The following RARB variants were observed in gnomAD, a reference collection of about 807,000 sequenced individuals.
RARB encodes HBV-activated protein.
RARB carries 17 observed loss-of-function variants against 51.9 expected under a neutral mutation model. The observed-to-expected ratio is 0.33, with a 90% confidence interval of 0.22 to 0.49. RARB has a LOEUF of 0.49. Among genes scored for constraint, RARB ranks in the 20% least tolerant of loss-of-function variants. The pLI, the probability that RARB is intolerant of heterozygous loss-of-function variation, is 0.99. For missense variants in RARB, 369 were observed against 550.8 expected (o/e 0.67, Z 3.30); for synonymous variants, 215 against 195.4 (o/e 1.10, Z -0.84).
rs373198658 is a variant in RARB at position 25,198,531 on chromosome 3, A to G, written c.178+23956A>G. Reference sequence around the variant, plus strand: ...TTTGCAAACTATCCATCTGACAAGAATTAACCAGAATATAAAAACAACTCA... The same window carrying G: ...TTTGCAAACTATCCATCTGACAAGAGTTAACCAGAATATAAAAACAACTCA... On this transcript the variant is annotated intron_variant, in intron 5 of 11. Transcript: ENST00000383772. Among the ~76,000 whole-genome samples, 13 of 152,100 alleles carry G rather than the reference A, an allele frequency of 8.5e-5. No individual in the cohort carries two copies. The East Asian group carries it at 2.1e-3, about 25-fold the overall frequency.
chr3:24,920,866 GA>G (rs1225412873), intron 2 of RARB, among the ~76,000 whole-genome samples: 1 of 152,188 alleles, frequency 6.6e-6, no homozygotes, highest in African/African-American at 2.4e-5. Context: ...GCAAGAACCA[GA>G]GTGAGACAGT....
At chr3:25,152,540 G>A (rs990815718) in intron 4 of RARB, among the ~76,000 whole-genome samples, 16 of 151,808 alleles carry the variant, frequency 1.1e-4, no homozygotes, top group African/African-American at 3.4e-4. Context: ...CTGCTCCCAG[G>A]GAAGGAAAAA....
At chr3:24,835,944 G>T (rs1335121855) in intron 1 of RARB, among the ~76,000 whole-genome samples, 5 of 152,168 alleles carry the variant, frequency 3.3e-5, no homozygotes, top group Admixed American at 6.5e-5. Flanking sequence ...CTTCAACGTG[G>T]TTACTGGGGA....
intron 5 of RARB, among the ~76,000 whole-genome samples, chr3:25,215,961 G>T (rs556030542): frequency 8.5e-5 from 13 of 152,140 alleles, no homozygotes; most frequent in Admixed American, 5.2e-4. Flanking sequence ...AAATAAGCCA[G>T]GTTTTAAAAG....
At chr3:24,988,529 T>C (rs1696842237) in intron 2 of RARB, among the ~76,000 whole-genome samples, 1 of 152,160 alleles carries the variant, frequency 6.6e-6, no homozygotes, top group Admixed American at 6.5e-5. Context: ...TAAGTAAACA[T>C]AACCCTAAAG....
Position 24,982,876 on chromosome 3 carries a change from C to A in RARB, c.-379-77249C>A, listed in dbSNP as rs147018734. ...TCCTACAAAGTATGAAATTCCCATC[C>A]TGTAACACATATGTCCTATGTCTTC... is the stretch of plus-strand genomic sequence containing the variant. On this transcript the variant is annotated intron_variant, in intron 2 of 11. Transcript: ENST00000383772. Among the ~76,000 whole-genome samples, 6 of 152,294 alleles carry A rather than the reference C, an allele frequency of 3.9e-5. No individual in the cohort carries two copies. The East Asian group carries it at 1.2e-3, about 29-fold the overall frequency.
intron 2 of RARB, among the ~76,000 whole-genome samples, chr3:24,864,937 C>G (rs1351230151): frequency 6.6e-6 from 1 of 152,148 alleles, no homozygotes; most frequent in African/African-American, 2.4e-5. Flanking sequence ...AGTCAAGGAA[C>G]TGTACTTTGA....
intron 3 of RARB, among the ~76,000 whole-genome samples, chr3:25,509,599 G>A (rs906563215): frequency 1.3e-5 from 2 of 152,210 alleles, no homozygotes; most frequent in African/African-American, 4.8e-5. Context: ...TACTTAAACC[G>A]GGAGCCAGGT....
chr3:25,436,438 T>A (rs1708438711), intron 1 of RARB, among the ~76,000 whole-genome samples: 1 of 152,230 alleles, frequency 6.6e-6, no homozygotes, highest in African/African-American at 2.4e-5. Flanking sequence ...ATGTGATCAA[T>A]ATTAACTGCC....
chr3:25,244,540 T>G (rs545019176), intron 5 of RARB, among the ~76,000 whole-genome samples: 1 of 152,296 alleles, frequency 6.6e-6, no homozygotes, highest in Non-Finnish European at 1.5e-5. Flanking sequence ...TCAAAGAACT[T>G]ATTTATTTCT....
intron 1 of RARB, among the ~76,000 whole-genome samples, chr3:25,436,811 G>C (rs1708455110): frequency 6.6e-6 from 1 of 152,166 alleles, no homozygotes; most frequent in African/African-American, 2.4e-5. Context: ...CCCTTTCCAA[G>C]AGTTTTACTG....
chr3:25,575,224 G>A (rs1700878950), intron 4 of RARB, among the ~76,000 whole-genome samples: 1 of 152,180 alleles, frequency 6.6e-6, no homozygotes, highest in African/African-American at 2.4e-5. Context: ...ATCTGAAGGA[G>A]GTGGAGTTCT....
chr3:25,482,001 G>A (rs1032110428), intron 2 of RARB, among the ~76,000 whole-genome samples: 1 of 151,974 alleles, frequency 6.6e-6, no homozygotes, highest in African/African-American at 2.4e-5. Flanking sequence ...AGATCACACA[G>A]CTAATAACAG....
chr3:24,909,866 A>C (rs1267317769), intron 2 of RARB, among the ~76,000 whole-genome samples: 1 of 152,086 alleles, frequency 6.6e-6, no homozygotes. Context: ...TGTTAGCATA[A>C]ATGTCTATAT....
At chr3:25,037,959 G>T (rs75467623) in intron 2 of RARB, among the ~76,000 whole-genome samples, 3,612 of 152,240 alleles carry the variant, frequency 0.024, 137 homozygotes, top group African/African-American at 0.083. Context: ...AAATTGTCAT[G>T]TTTAAACCCC....
intron 5 of RARB, among the ~76,000 whole-genome samples, chr3:25,275,214 C>A (rs1223315970): frequency 6.6e-6 from 1 of 152,160 alleles, no homozygotes; most frequent in Non-Finnish European, 1.5e-5. Flanking sequence ...TTAATCCCAA[C>A]ACTTTGGGAG....
intron 2 of RARB, among the ~76,000 whole-genome samples, chr3:24,945,106 G>T (rs1035525165): frequency 2.0e-5 from 3 of 152,180 alleles, no homozygotes. Context: ...TATCTATTAT[G>T]TTGAAGTTAT....
intron 2 of RARB, among the ~76,000 whole-genome samples, chr3:25,027,929 A>G (rs984910073): frequency 2.0e-5 from 3 of 151,918 alleles, no homozygotes; most frequent in African/African-American, 7.2e-5. Flanking sequence ...GGTTGTGCAC[A>G]CTTAAGACCT....
chr3:25,198,022 A>C (rs1011488046), intron 5 of RARB, among the ~76,000 whole-genome samples: 1 of 151,796 alleles, frequency 6.6e-6, no homozygotes, highest in African/African-American at 2.4e-5. Context: ...ACATTACCTG[A>C]CTTCAAATGT....
Sources: gnomAD v4.1 joint callset for allele counts (sites outside exome capture counted in the v4.1 genomes callset) on GRCh38, gnomAD v4.1.1 for gene constraint, MANE v1.5 for transcripts, NCBI Gene and HGNC (gene_info 2026-07-23, HGNC 2026-07-21) for gene names.